Variants in PYHIN1 observed in about 807,000 individuals in gnomAD.
The protein encoded by PYHIN1 is pyrin and HIN domain family member 1, also known as pyrin and HIN domain-containing protein 1.
A neutral mutation model predicts 43.7 loss-of-function variants in PYHIN1; 32 were observed. The observed-to-expected ratio is 0.73, with a 90% CI of 0.55 to 0.98. PYHIN1 has a LOEUF of 0.98. Among genes scored for constraint, PYHIN1 ranks in the 50% least tolerant of loss-of-function variants. PYHIN1 has a pLI of 0.00. For synonymous variants in PYHIN1, 205 were observed against 203.1 expected (o/e 1.01, Z -0.08); for missense variants, 588 against 589.5 (o/e 1.00, Z 0.03).
intron 8 of PYHIN1, among the ~76,000 whole-genome samples, chr1:158,974,077 C>T (rs1296681649): frequency 6.6e-6 from 1 of 151,998 alleles, no homozygotes; most frequent in Non-Finnish European, 1.5e-5. Flanking sequence ...TATGTTCGTA[C>T]CTTCTATTCC....
Position 158,962,445 on chromosome 1 carries a change from G to A in PYHIN1, c.1360-11202G>A, listed in dbSNP as rs567137497. Among the ~76,000 whole-genome samples the A allele has an allele frequency of 2.4e-4, 37 of 152,180 alleles. 1 individual carries two copies. The South Asian group carries it at 6.4e-3, about 26-fold the overall frequency. ...GGAGCCACCCCACGGAGAAGTGATCGGACCGTTGTATCCGTGGGTCCCTGT... is the reference window on the plus strand; with the variant it reads ...GGAGCCACCCCACGGAGAAGTGATCAGACCGTTGTATCCGTGGGTCCCTGT... On this transcript the variant is annotated intron_variant, in intron 7 of 8. Transcript: ENST00000368140.
intron 7 of PYHIN1, among the ~76,000 whole-genome samples, chr1:158,947,562 G>A (rs1373598105): frequency 6.6e-6 from 1 of 152,170 alleles, no homozygotes. Flanking sequence ...ACCTGTGGGG[G>A]TTTGTCCTGC....
At chr1:158,984,704 G>C in the PYHIN1 span, among the ~76,000 whole-genome samples, 1 of 152,044 alleles carries the variant, frequency 6.6e-6, no homozygotes, top group Non-Finnish European at 1.5e-5. Context: ...GAATATCTTT[G>C]TTAGTTTTCT....
chr1:158,948,188 A>T (rs1467893645), intron 7 of PYHIN1, among the ~76,000 whole-genome samples: 1 of 152,250 alleles, frequency 6.6e-6, no homozygotes, highest in Non-Finnish European at 1.5e-5. Flanking sequence ...ATAACATAAG[A>T]TAATCATGAA....
intron 8 of PYHIN1, among the ~76,000 whole-genome samples, chr1:158,976,091 C>T (rs1393239090): frequency 6.6e-6 from 1 of 152,042 alleles, no homozygotes; most frequent in Non-Finnish European, 1.5e-5. Flanking sequence ...ACAAAGGTAG[C>T]TGTCTTTTGT....
At chr1:158,944,729 C>T (rs1649125273) in intron 6 of PYHIN1, 146 bp from the exon 7 acceptor site, 2 of 497,724 alleles carry the variant, frequency 4.0e-6, no homozygotes, top group Non-Finnish European at 3.3e-6. Context: ...TTGGCAGTTG[C>T]CTGGAGGAAT....
intron 8 of PYHIN1, among the ~76,000 whole-genome samples, chr1:158,976,221 A>T (rs1651247613): frequency 6.6e-6 from 1 of 152,124 alleles, no homozygotes; most frequent in African/African-American, 2.4e-5. Context: ...GAATGCAAAA[A>T]GATCAGAATA....
chr1:158,966,867 T>C (rs1215929801), intron 7 of PYHIN1, among the ~76,000 whole-genome samples: 1 of 152,028 alleles, frequency 6.6e-6, no homozygotes, highest in Non-Finnish European at 1.5e-5. Context: ...GCCAGAGGAA[T>C]CAGGCAAGAT....
intron 7 of PYHIN1, among the ~76,000 whole-genome samples, chr1:158,961,675 C>T (rs75327000): frequency 0.056 from 8,579 of 152,208 alleles, 300 homozygotes; most frequent in East Asian, 0.11. Flanking sequence ...ACTTCTGCCA[C>T]GGACCTTTGC....
chr1:158,977,923 G>T (rs1557849541), downstream of PYHIN1, among the ~76,000 whole-genome samples: 1 of 152,166 alleles, frequency 6.6e-6, no homozygotes, highest in East Asian at 1.9e-4. Context: ...CACCTAAGAT[G>T]GAGAAAGCTG....
At chr1:158,941,432 G>C (rs1648904731) in intron 4 of PYHIN1, among the ~76,000 whole-genome samples, 1 of 152,092 alleles carries the variant, frequency 6.6e-6, no homozygotes, top group African/African-American at 2.4e-5. Flanking sequence ...CATTCTGAGG[G>C]GTTTAGCCCA....
the PYHIN1 span, among the ~76,000 whole-genome samples, chr1:158,983,041 C>A: frequency 6.6e-6 from 1 of 152,014 alleles, no homozygotes; most frequent in African/African-American, 2.4e-5. Context: ...AAATTTGGGG[C>A]AAAGGCTATG....
chr1:158,958,845 C>G (rs1650139494), intron 7 of PYHIN1, among the ~76,000 whole-genome samples: 1 of 149,584 alleles, frequency 6.7e-6, no homozygotes, highest in African/African-American at 2.5e-5. Context: ...AGCATGCCTT[C>G]TTTTAAGAAC....
the PYHIN1 span, among the ~76,000 whole-genome samples, chr1:158,983,188 G>A: frequency 3.3e-5 from 5 of 151,958 alleles, no homozygotes; most frequent in Non-Finnish European, 7.4e-5. Flanking sequence ...TGTTGAACCA[G>A]GAGTAGTGAG....
Position 158,937,078 on chromosome 1 carries a change from C to T in PYHIN1, c.168C>T (p.Phe56=). 6.2e-7 allele frequency: 1 copy of T among 1,614,046 alleles called. No individual in the cohort carries two copies. ...IQIADLMEEK[F]PGDAGLGKLI... ...TTGCTGACTTGATGGAGGAAAAGTT[C>T]CCAGGTGATGCCGGTTTGGGCAAAC... The change falls in exon 2 of 9, where the codon TTC becomes TTT. Residue 56 remains phenylalanine (F), a synonymous_variant. Coordinates refer to ENST00000368140, the MANE Select transcript of PYHIN1 (RefSeq NM_152501.5).
At position 158,931,709 on chromosome 1, in the gene PYHIN1, C is replaced by T. The variant is rs1432566694; in HGVS notation, c.-88C>T. On this transcript the variant is annotated 5_prime_UTR_variant, in exon 1 of 9. Coordinates refer to ENST00000368140, the MANE Select transcript of PYHIN1 (RefSeq NM_152501.5). ...TACTGACTGATTTCCCTATTCAAAACAATCCTCATTTCCTACATTTCTGAA... is the reference window on the plus strand; with the variant it reads ...TACTGACTGATTTCCCTATTCAAAATAATCCTCATTTCCTACATTTCTGAA... 6.6e-6 allele frequency: 1 copy of T among 152,202 alleles called. No individual in the cohort carries two copies. The highest frequency in any genetic ancestry group is 1.9e-4 in the East Asian group (1 of 5,196). 9.4% of individuals were successfully genotyped at this position (152,202 alleles called of 1,614,324 possible). A position where few individuals can be genotyped will look rare whatever the true frequency, so the allele number is the denominator to read the frequency against.
At chr1:158,966,242 C>T (rs1260159284) in intron 7 of PYHIN1, among the ~76,000 whole-genome samples, 1 of 152,032 alleles carries the variant, frequency 6.6e-6, no homozygotes, top group African/African-American at 2.4e-5. Flanking sequence ...AAAAAGTCTA[C>T]CAACTAAAAG....
chr1:158,943,244 T>C (rs1426529520), intron 5 of PYHIN1, among the ~76,000 whole-genome samples: 2 of 152,142 alleles, frequency 1.3e-5, no homozygotes, highest in African/African-American at 2.4e-5. Context: ...TCCAGAACGA[T>C]GAGTAATAGC....
the PYHIN1 span, among the ~76,000 whole-genome samples, chr1:158,990,181 G>A: frequency 2.0e-5 from 3 of 149,388 alleles, no homozygotes; most frequent in African/African-American, 7.7e-5. Context: ...GTTAGATATT[G>A]TTTCTGATAG....
Sources: gnomAD v4.1 joint callset for allele counts (sites outside exome capture counted in the v4.1 genomes callset) on GRCh38, gnomAD v4.1.1 for gene constraint, MANE v1.5 for transcripts, NCBI Gene and HGNC (gene_info 2026-07-23, HGNC 2026-07-21) for gene names.